Variants in ARHGEF11 observed in about 807,000 individuals in gnomAD.
The protein encoded by ARHGEF11 is Rho guanine exchange factor (GEF) 11.
A neutral mutation model predicts 193.7 loss-of-function variants in ARHGEF11; 55 were observed. The observed-to-expected ratio is 0.28, with a 90% CI of 0.23 to 0.36. The LOEUF (loss-of-function observed/expected upper bound fraction) is 0.36. Among genes scored for constraint, ARHGEF11 ranks in the 10% least tolerant of loss-of-function variants. The pLI is 1.00. For synonymous variants in ARHGEF11, 693 were observed against 768.0 expected, an observed-to-expected ratio of 0.90 and a Z score of 1.62; for missense variants, 1,723 against 2,005.6, an observed-to-expected ratio of 0.86 and a Z score of 2.69.
At position 156,976,965 on chromosome 1, in the gene ARHGEF11, C is replaced by T. The variant is rs776850576; in HGVS notation, c.582+18G>A. Reference sequence around the variant, plus strand: ...TTCACTCAGGCAATGGCCAGTCTACCCTTGGCAGTGACCTTACCTGTAATT... The same window carrying T: ...TTCACTCAGGCAATGGCCAGTCTACTCTTGGCAGTGACCTTACCTGTAATT... On this transcript the variant is annotated intron_variant, in intron 7 of 40. Transcript: ENST00000368194. 30 of 1,609,560 alleles carry T rather than the reference C, an allele frequency of 1.9e-5. 1 individual carries two copies. In the South Asian group the frequency reaches 3.2e-4, roughly 17 times the overall value.
chr1:156,984,796 G>C (rs1483539802), intron 2 of ARHGEF11, among the ~76,000 whole-genome samples: 1 of 151,992 alleles, frequency 6.6e-6, no homozygotes, highest in African/African-American at 2.4e-5. Context: ...TACCAATAAG[G>C]AGCCTCCCAG....
intron 1 of ARHGEF11, among the ~76,000 whole-genome samples, chr1:157,035,804 AGGAATATATATATAGGAATATATATAT>A (rs1348223171): frequency 5.5e-5 from 6 of 108,870 alleles, no homozygotes; most frequent in South Asian, 6.2e-4. Context: ...ATATATATAC[AGGAATATATATATAGGAATATATATAT>A]GGAATATATA....
At position 156,948,133 on chromosome 1, in the gene ARHGEF11, T is replaced by C. The variant is rs951737868; in HGVS notation, c.2153+48A>G. On this transcript the variant is annotated intron_variant, in intron 24 of 40. Transcript: ENST00000368194. This position sits in a 1 kb window ranked among gnomAD's most constrained non-coding sequence, Gnocchi z 4.2. ...GGTGAGAGGAGCAGCTGGGTGTGGA[T>C]GGGACACAGAGACACCAAACAGAGG... The C allele has an allele frequency of 1.3e-6, 2 of 1,541,376 alleles. No individual in the cohort carries two copies. Among genetic ancestry groups the C allele is most frequent in the African/African-American group, 2.7e-5 (2 of 72,918 alleles).
chr1:156,949,223 T>C (rs1243651373), intron 22 of ARHGEF11: 5 of 508,216 alleles, frequency 9.8e-6, no homozygotes, highest in Non-Finnish European at 1.3e-5. Context: ...CCTGCCGTGC[T>C]TGGCTACTGA....
At chr1:156,995,038 A>G (rs1009438487) in intron 1 of ARHGEF11, among the ~76,000 whole-genome samples, 2 of 152,128 alleles carry the variant, frequency 1.3e-5, no homozygotes, top group Non-Finnish European at 1.5e-5. Flanking sequence ...AATCCAATCA[A>G]TTGACAAGTC....
Position 156,948,796 on chromosome 1 carries a change from T to C in ARHGEF11, c.1926-298A>G. 2 of 985,460 alleles carry C rather than the reference T, an allele frequency of 2.0e-6. No homozygotes were observed. Among genetic ancestry groups the C allele is most frequent in the Non-Finnish European group, 2.4e-6 (2 of 829,940 alleles). The allele number at this position is 985,460 out of a possible 1,614,324, so 61.0% of individuals were successfully genotyped here. A position where few individuals can be genotyped will look rare whatever the true frequency, so the allele number is the denominator to read the frequency against. On this transcript the variant is annotated intron_variant, in intron 22 of 40. Coordinates refer to ENST00000368194, the MANE Select transcript of ARHGEF11 (RefSeq NM_198236.3). This position sits in a 1 kb window ranked among gnomAD's most constrained non-coding sequence, Gnocchi z 4.2. Reference sequence around the variant, plus strand: ...GATGAAATCTGGGGCTAACAGACTCTGAGTTGTAGTGTGTCCAGAGGCCTG... The same window carrying C: ...GATGAAATCTGGGGCTAACAGACTCCGAGTTGTAGTGTGTCCAGAGGCCTG...
upstream of ARHGEF11, among the ~76,000 whole-genome samples, chr1:157,045,835 C>G (rs1264230181): frequency 1.3e-5 from 2 of 151,154 alleles, no homozygotes; most frequent in Non-Finnish European, 3.0e-5. Flanking sequence ...CGCCCCCCTT[C>G]CCTCCCTCCT....
intron 3 of ARHGEF11, 94 bp downstream of exon 3, chr1:156,984,245 G>A (rs1664608989): frequency 1.0e-6 from 1 of 997,280 alleles, no homozygotes; most frequent in Admixed American, 2.4e-5. Flanking sequence ...ATTCATTCAT[G>A]CCCCACAGGA....
intron 1 of ARHGEF11, among the ~76,000 whole-genome samples, chr1:156,990,149 G>C (rs1410706266): frequency 6.6e-6 from 1 of 152,170 alleles, no homozygotes; most frequent in East Asian, 1.9e-4. Context: ...ATTTGATCTA[G>C]AACTCTCCCT....
chr1:156,985,512 C>T (rs1664783590), intron 2 of ARHGEF11, among the ~76,000 whole-genome samples: 1 of 152,220 alleles, frequency 6.6e-6, no homozygotes, highest in African/African-American at 2.4e-5. Context: ...CAACCTCTGC[C>T]TTCTGGGTTC....
intron 7 of ARHGEF11, among the ~76,000 whole-genome samples, chr1:156,972,511 C>CA (rs1553210859): frequency 6.6e-6 from 1 of 152,198 alleles, no homozygotes; most frequent in Non-Finnish European, 1.5e-5. Flanking sequence ...AGCGCAAAGT[C>CA]AGATACCTGA....
intron 1 of ARHGEF11, among the ~76,000 whole-genome samples, chr1:157,027,045 T>C (rs1468323826): frequency 1.3e-5 from 2 of 152,196 alleles, no homozygotes; most frequent in Non-Finnish European, 2.9e-5. Context: ...ATTGGAGATT[T>C]TTAGTAAACT....
chr1:156,951,657 T>C lies in ARHGEF11; in HGVS notation c.1841A>G (p.Asn614Ser). Residue 614 changes from asparagine to serine, a missense_variant, in exon 22 of 41, where the codon AAC becomes AGC. Asn to Ser is a conservative substitution (Grantham distance 46, BLOSUM62 1). This residue lies in a region of ARHGEF11 where 491 missense variants were observed against 654.5 expected (regional missense o/e 0.75). Coordinates refer to ENST00000368194, the MANE Select transcript of ARHGEF11 (RefSeq NM_198236.3). ...NVRNIIQHFE[N>S]NQQYDAPEPG... ...TTCTGGGGCATCATACTGCTGGTTG[T>C]TCTCAAAGTGCTGAATGATGTTCCT... is the stretch of plus-strand genomic sequence containing the variant. 2 of 1,614,206 alleles carry C rather than the reference T, an allele frequency of 1.2e-6. No individual in the cohort carries two copies. The highest frequency in any genetic ancestry group is 1.6e-4 in the Middle Eastern group (1 of 6,062).
chr1:157,025,110 C>T (rs569343529), intron 1 of ARHGEF11, among the ~76,000 whole-genome samples: 1 of 152,268 alleles, frequency 6.6e-6, no homozygotes, highest in East Asian at 1.9e-4. Context: ...CAATTAATTG[C>T]CAAATAAGAC....
chr1:157,046,845 C>T (rs1484671473), upstream of ARHGEF11, among the ~76,000 whole-genome samples: 1 of 146,428 alleles, frequency 6.8e-6, no homozygotes, highest in Non-Finnish European at 1.5e-5. Context: ...CCCCCCCCCT[C>T]TACTAAAAAT....
chr1:156,959,843 G>C (rs143797328), intron 15 of ARHGEF11, among the ~76,000 whole-genome samples: 1 of 151,830 alleles, frequency 6.6e-6, no homozygotes, highest in Non-Finnish European at 1.5e-5. Context: ...GAAGGGAGAC[G>C]GGCACCATCT....
intron 11 of ARHGEF11, among the ~76,000 whole-genome samples, chr1:156,966,304 C>T (rs1661660432): frequency 6.6e-6 from 1 of 152,246 alleles, no homozygotes; most frequent in East Asian, 1.9e-4. Flanking sequence ...AGCTTTCAAA[C>T]TTTCTGTTGA....
chr1:156,974,760 G>A (rs11810253), intron 7 of ARHGEF11, among the ~76,000 whole-genome samples: 2,288 of 152,254 alleles, frequency 0.015, 59 homozygotes, highest in African/African-American at 0.051. Context: ...GGAATAATAC[G>A]ACCTGTAGAT....
intron 6 of ARHGEF11, among the ~76,000 whole-genome samples, chr1:156,977,889 G>T (rs1317546671): frequency 1.3e-5 from 2 of 152,160 alleles, no homozygotes; most frequent in Non-Finnish European, 2.9e-5. Flanking sequence ...GCCCCTGCCT[G>T]AAGTGTACAC....
Sources: allele counts gnomAD v4.1 joint callset (sites outside exome capture counted in the v4.1 genomes callset), GRCh38; gene constraint gnomAD v4.1.1; regional missense constraint gnomAD v4.1.1; non-coding constraint Gnocchi (gnomAD v3.1); transcripts MANE v1.5; gene names NCBI Gene and HGNC (gene_info 2026-07-23, HGNC 2026-07-21).